Variants in RBPMS2 observed in about 807,000 individuals in gnomAD.
The protein encoded by RBPMS2 is RNA-binding protein with multiple splicing 2.
RBPMS2 carries 14 observed loss-of-function variants against 25.7 expected under a neutral mutation model. The observed-to-expected ratio is 0.55, with a 90% CI of 0.36 to 0.85. RBPMS2 has a LOEUF of 0.85. Among genes scored for constraint, RBPMS2 ranks in the 40% least tolerant of loss-of-function variants. The pLI, the probability that RBPMS2 is intolerant of heterozygous loss-of-function variation, is 0.01. For synonymous variants in RBPMS2, 127 were observed against 115.6 expected (o/e 1.10, Z -0.63); for missense variants, 252 against 283.4 (o/e 0.89, Z 0.80).
intron 1 of RBPMS2, among the ~76,000 whole-genome samples, chr15:64,773,096 G>A (rs2083903612): frequency 6.6e-6 from 1 of 152,322 alleles, no homozygotes; most frequent in Non-Finnish European, 1.5e-5. Flanking sequence ...GCTCTCGCTA[G>A]TCTCCAAGAG....
intron 6 of RBPMS2, among the ~76,000 whole-genome samples, chr15:64,745,954 A>G (rs181604418): frequency 6.6e-6 from 1 of 152,300 alleles, no homozygotes; most frequent in Admixed American, 6.5e-5. Flanking sequence ...CCCCAGGCAC[A>G]GAAAAACTCA....
chr15:64,768,770 C>G (rs2083868745), intron 1 of RBPMS2, among the ~76,000 whole-genome samples: 1 of 149,652 alleles, frequency 6.7e-6, no homozygotes, highest in Non-Finnish European at 1.5e-5. Context: ...GCACTCCAGC[C>G]TGGGCAACAA....
chr15:64,761,814 T>C (rs1410353752), intron 1 of RBPMS2, among the ~76,000 whole-genome samples: 1 of 149,932 alleles, frequency 6.7e-6, no homozygotes, highest in Non-Finnish European at 1.5e-5. Context: ...GTTCAAGTGA[T>C]TCTCCTGCCT....
chr15:64,762,513 TG>T (rs748272668), intron 1 of RBPMS2: 2 of 534,712 alleles, frequency 3.7e-6, no homozygotes, highest in East Asian at 5.4e-5. Context: ...AGATCTGATC[TG>T]GCTTCCCCAA....
intron 1 of RBPMS2, among the ~76,000 whole-genome samples, chr15:64,761,758 A>T (rs1224867605): frequency 7.6e-6 from 1 of 130,978 alleles, no homozygotes; most frequent in Non-Finnish European, 1.5e-5. Context: ...GCTGCAATGC[A>T]ATGGCATGAT....
chr15:64,770,715 C>T (rs896708313), intron 1 of RBPMS2, among the ~76,000 whole-genome samples: 2 of 152,088 alleles, frequency 1.3e-5, no homozygotes, highest in Non-Finnish European at 2.9e-5. Flanking sequence ...AAGGGAGGTG[C>T]CCAAATAGCA....
chr15:64,741,374 GTTACTCA>G, intron 6 of RBPMS2, 132 bp from the exon 7 acceptor site: 1 of 688,286 alleles, frequency 1.5e-6, no homozygotes. Context: ...TTTTGGGCCA[GTTACTCA>G]CCTTTAAGCA....
chr15:64,774,207 G>A (rs549823039), intron 1 of RBPMS2, among the ~76,000 whole-genome samples: 1 of 152,182 alleles, frequency 6.6e-6, no homozygotes, highest in African/African-American at 2.4e-5. Context: ...GGGGAAGGGC[G>A]CCCAAGGTGG....
intron 1 of RBPMS2, among the ~76,000 whole-genome samples, chr15:64,763,046 C>A (rs1191295866): frequency 6.9e-6 from 1 of 145,376 alleles, no homozygotes. Context: ...GTCTTGGTCG[C>A]CGTAGTGGGT....
intron 1 of RBPMS2, among the ~76,000 whole-genome samples, chr15:64,767,727 C>T (rs868769889): frequency 7.2e-5 from 11 of 152,058 alleles, no homozygotes; most frequent in African/African-American, 2.7e-4. Flanking sequence ...GGCTGGAGTG[C>T]AGTGTGGCAC....
rs2083549391 is a variant in RBPMS2, at chr15:64,740,447, G to A, written c.*561C>T. The A allele has an allele frequency of 6.6e-6, 1 of 152,238 alleles. No individual in the cohort carries two copies. Among genetic ancestry groups the A allele is most frequent in the African/African-American group, 2.4e-5 (1 of 41,344 alleles). 9.4% of individuals were successfully genotyped at this position (152,238 alleles called of 1,614,324 possible). ...AAAAAGCAAACCCCATCTATCTGTTGGGTGGAGGTGGGAGCTGAGCCTGGA... is the reference window on the plus strand; with the variant it reads ...AAAAAGCAAACCCCATCTATCTGTTAGGTGGAGGTGGGAGCTGAGCCTGGA... On this transcript the variant is annotated 3_prime_UTR_variant, in exon 8 of 8. Transcript: ENST00000300069.
intron 3 of RBPMS2, among the ~76,000 whole-genome samples, 175 bp from the exon 4 acceptor site, chr15:64,749,668 G>A (rs979909333): frequency 3.3e-5 from 5 of 152,156 alleles, no homozygotes; most frequent in African/African-American, 1.2e-4. Flanking sequence ...CCTGTTCACT[G>A]GAACAGCAGT....
chr15:64,765,099 C>A (rs578139605), intron 1 of RBPMS2, among the ~76,000 whole-genome samples: 3 of 151,516 alleles, frequency 2.0e-5, no homozygotes, highest in Admixed American at 6.6e-5. Context: ...TGGTGGCGTG[C>A]GCCTGTAATC....
At chr15:64,756,414 C>G (rs1165868844) in intron 1 of RBPMS2, among the ~76,000 whole-genome samples, 1 of 151,738 alleles carries the variant, frequency 6.6e-6, no homozygotes, top group Non-Finnish European at 1.5e-5. Flanking sequence ...ACTTGGCAGG[C>G]TGAGGCACGA....
chr15:64,759,370 C>T (rs759029494), intron 1 of RBPMS2, among the ~76,000 whole-genome samples: 2 of 152,344 alleles, frequency 1.3e-5, no homozygotes, highest in Non-Finnish European at 2.9e-5. Flanking sequence ...ACCCAGCCCT[C>T]TCTTTCAGGA....
chr15:64,769,646 C>A (rs1202397218), intron 1 of RBPMS2, among the ~76,000 whole-genome samples: 2 of 151,776 alleles, frequency 1.3e-5, no homozygotes, highest in Non-Finnish European at 2.9e-5. Context: ...GGCGACAGAG[C>A]GAGACTCCAT....
intron 2 of RBPMS2, 90 bp from the exon 3 acceptor site, chr15:64,750,471 CT>C: frequency 9.1e-7 from 1 of 1,099,498 alleles, no homozygotes; most frequent in Non-Finnish European, 1.4e-6. Context: ...CCGCGTTCCC[CT>C]GAGTCATTCT....
At chr15:64,743,138 A>G (rs1042938629) in intron 6 of RBPMS2, among the ~76,000 whole-genome samples, 9 of 152,196 alleles carry the variant, frequency 5.9e-5, no homozygotes, top group African/African-American at 2.2e-4. Flanking sequence ...GCCCCACAGC[A>G]AGGAAATCCC....
intron 1 of RBPMS2, chr15:64,762,522 C>G: frequency 1.9e-6 from 1 of 534,554 alleles, no homozygotes. Flanking sequence ...CTGGCTTCCC[C>G]AAGGGAAAGA....
Sources: gnomAD v4.1 joint callset for allele counts (sites outside exome capture counted in the v4.1 genomes callset) on GRCh38, gnomAD v4.1.1 for gene constraint, MANE v1.5 for transcripts, NCBI Gene and HGNC (gene_info 2026-07-23, HGNC 2026-07-21) for gene names.